LIN7A: variants seen among roughly 807,000 people sequenced by gnomAD.
LIN7A encodes lin-7 cell polarity scaffold A, also known as protein lin-7 homolog A.
A neutral mutation model predicts 29.8 loss-of-function variants in LIN7A; 25 were observed. The observed-to-expected ratio is 0.84, with a 90% CI of 0.61 to 1.17. LIN7A has a LOEUF of 1.17. Ranked by LOEUF, LIN7A falls within the 50% of genes most tolerant of loss-of-function variation. The probability of loss-of-function intolerance (pLI) is 0.00; values close to 1 mark genes in which losing one functional copy is unlikely to be tolerated. For missense variants in LIN7A, 239 were observed against 287.0 expected (o/e 0.83, Z 1.21); for synonymous variants, 118 against 107.5 (o/e 1.10, Z -0.60).
At chr12:80,801,003 ATTGTTTAAT>A (rs1870693772) in intron 5 of LIN7A, among the ~76,000 whole-genome samples, 1 of 152,058 alleles carries the variant, frequency 6.6e-6, no homozygotes, top group Admixed American at 6.6e-5. Context: ...TGTTAACCAT[ATTGTTTAAT>A]TTTTAAAAAT....
chr12:80,937,609 G>C, intron 1 of LIN7A, 32 bp downstream of exon 1: 1 of 1,417,584 alleles, frequency 7.1e-7, no homozygotes, highest in Non-Finnish European at 9.4e-7. Flanking sequence ...GAGAGGGGAC[G>C]CGGTGGCCTG....
chr12:80,918,728 G>C (rs1180756574), intron 1 of LIN7A, among the ~76,000 whole-genome samples: 1 of 152,118 alleles, frequency 6.6e-6, no homozygotes, highest in East Asian at 1.9e-4. Context: ...TACCATATTA[G>C]AGACTCACTT....
chr12:80,808,905 T>G (rs1373009860), intron 5 of LIN7A, among the ~76,000 whole-genome samples: 1 of 152,144 alleles, frequency 6.6e-6, no homozygotes. Flanking sequence ...ATAGATAGAT[T>G]GTTGAATTCC....
At chr12:80,835,286 A>G (rs1183571442) in intron 4 of LIN7A, among the ~76,000 whole-genome samples, 4 of 152,210 alleles carry the variant, frequency 2.6e-5, no homozygotes, top group African/African-American at 7.2e-5. Context: ...TTGTGGAAGC[A>G]TAAGTCTTAT....
At chr12:80,822,075 G>C (rs745916826) in intron 4 of LIN7A, among the ~76,000 whole-genome samples, 1 of 152,184 alleles carries the variant, frequency 6.6e-6, no homozygotes, top group Non-Finnish European at 1.5e-5. Flanking sequence ...CTTGAGACTG[G>C]GTAGTTTATA....
At chr12:80,893,172 T>A (rs996107346) in intron 1 of LIN7A, among the ~76,000 whole-genome samples, 2 of 152,170 alleles carry the variant, frequency 1.3e-5, no homozygotes, top group African/African-American at 4.8e-5. Context: ...TCTCTATTAT[T>A]CTTTAATACA....
intron 4 of LIN7A, among the ~76,000 whole-genome samples, chr12:80,837,143 G>A (rs1436933552): frequency 1.3e-5 from 2 of 152,044 alleles, no homozygotes; most frequent in East Asian, 3.9e-4. Flanking sequence ...GAAAACCAAC[G>A]TGCCCATGCT....
intron 1 of LIN7A, among the ~76,000 whole-genome samples, chr12:80,910,622 C>A (rs1052500858): frequency 1.3e-5 from 2 of 152,134 alleles, no homozygotes; most frequent in African/African-American, 4.8e-5. Flanking sequence ...TTTTTCTACA[C>A]CTATTGAGAT....
In LIN7A at chr12:80,811,663, A is replaced by T; in HGVS notation, c.504T>A (p.His168Gln). The T allele has an allele frequency of 6.2e-7, 1 of 1,611,578 alleles. No homozygotes were observed. Among genetic ancestry groups the T allele is most frequent in the Non-Finnish European group, 8.5e-7 (1 of 1,177,898 alleles). Residue 168 changes from histidine (H) to glutamine (Q), a missense_variant, in exon 5 of 6, where the codon CAT becomes CAA. Coordinates refer to ENST00000552864, the MANE Select transcript of LIN7A (RefSeq NM_004664.4). ...VNGVSVEGEHHEKAVELLKAA... is the reference protein window; with the variant it reads ...VNGVSVEGEHQEKAVELLKAA... Reference sequence around the variant, plus strand: ...CCTTGAGTAGTTCCACAGCTTTCTCATGGTGTTCTCCTTCCACACTCTGAA... The same window carrying T: ...CCTTGAGTAGTTCCACAGCTTTCTCTTGGTGTTCTCCTTCCACACTCTGAA...
chr12:80,921,717 T>TG (rs1379862253), intron 1 of LIN7A, among the ~76,000 whole-genome samples: 1 of 152,096 alleles, frequency 6.6e-6, no homozygotes, highest in Non-Finnish European at 1.5e-5. Context: ...ATATGCATTT[T>TG]GGGGGGACAG....
chr12:80,908,305 T>C (rs1876586065), intron 1 of LIN7A, among the ~76,000 whole-genome samples: 1 of 152,078 alleles, frequency 6.6e-6, no homozygotes, highest in African/African-American at 2.4e-5. Flanking sequence ...ATTTTCTAAA[T>C]CAATACTCAC....
At chr12:80,823,313 C>T (rs1339910738) in intron 4 of LIN7A, among the ~76,000 whole-genome samples, 1 of 152,204 alleles carries the variant, frequency 6.6e-6, no homozygotes, top group African/African-American at 2.4e-5. Flanking sequence ...GACCTAAGAG[C>T]TCCCCGAGCC....
At chr12:80,849,626 CAGG>C (rs1218740369) in intron 2 of LIN7A, among the ~76,000 whole-genome samples, 1 of 152,090 alleles carries the variant, frequency 6.6e-6, no homozygotes, top group Non-Finnish European at 1.5e-5. Context: ...CAAATACCTA[CAGG>C]AGTCAAGCCA....
chr12:80,877,709 A>G (rs1286340353), intron 2 of LIN7A, among the ~76,000 whole-genome samples: 1 of 152,182 alleles, frequency 6.6e-6, no homozygotes, highest in Non-Finnish European at 1.5e-5. Flanking sequence ...TTCTTTTTAC[A>G]TGCAAATTAC....
At position 80,814,118 on chromosome 12, in the gene LIN7A, T is replaced by C. The variant is rs557083489; in HGVS notation, c.484-2435A>G. 5.3e-5 allele frequency among the ~76,000 whole-genome samples: 8 copies of C among 152,326 alleles called. No individual in the cohort carries two copies. The South Asian group carries it at 1.7e-3, about 32-fold the overall frequency. ...AGATTCATAATTTCTACTGCAGATTTGGAGACTTAAGGGATCATTTGATCA... is the reference window on the plus strand; with the variant it reads ...AGATTCATAATTTCTACTGCAGATTCGGAGACTTAAGGGATCATTTGATCA... On this transcript the variant is annotated intron_variant, in intron 4 of 5. Coordinates refer to ENST00000552864, the MANE Select transcript of LIN7A (RefSeq NM_004664.4).
At chr12:80,936,748 C>A (rs1417753205) in intron 1 of LIN7A, 1 of 152,556 alleles carries the variant, frequency 6.6e-6, no homozygotes, top group South Asian at 2.1e-4. Context: ...TGAGGGCGTC[C>A]TGGGGAGGAA....
At chr12:80,827,086 C>T (rs752808853) in intron 4 of LIN7A, among the ~76,000 whole-genome samples, 3 of 151,892 alleles carry the variant, frequency 2.0e-5, no homozygotes, top group Admixed American at 1.3e-4. Context: ...TGCAAAATGG[C>T]ATTAATAACA....
intron 2 of LIN7A, among the ~76,000 whole-genome samples, chr12:80,886,133 A>G (rs1875313102): frequency 6.6e-6 from 1 of 152,118 alleles, no homozygotes; most frequent in Admixed American, 6.5e-5. Flanking sequence ...TTAACTAGCA[A>G]ATATTTCTGA....
intron 2 of LIN7A, among the ~76,000 whole-genome samples, chr12:80,855,800 C>A (rs1873565091): frequency 6.6e-6 from 1 of 152,076 alleles, no homozygotes. Context: ...ACTTAAGTCA[C>A]CAACAATTTG....
Sources: gnomAD v4.1 joint callset for allele counts (sites outside exome capture counted in the v4.1 genomes callset) on GRCh38, gnomAD v4.1.1 for gene constraint, MANE v1.5 for transcripts, NCBI Gene and HGNC (gene_info 2026-07-23, HGNC 2026-07-21) for gene names.